The following CHCHD6 variants were observed in gnomAD, a reference collection of about 807,000 sequenced individuals.
CHCHD6 encodes the protein MICOS complex subunit MIC25.
A neutral mutation model predicts 32.3 loss-of-function variants in CHCHD6; 28 were observed. The ratio of observed to expected loss-of-function variants is 0.87; its 90% CI spans 0.64 to 1.19. The LOEUF is 1.19. CHCHD6 is among the 50% of genes most tolerant of loss of function. CHCHD6 has a pLI of 0.00. For missense variants in CHCHD6, 333 were observed against 307.0 expected (o/e 1.08, Z -0.63); for synonymous variants, 122 against 117.5 (o/e 1.04, Z -0.25).
chr3:126,829,032 T>TG (rs1397308546), intron 4 of CHCHD6, among the ~76,000 whole-genome samples: 1 of 152,250 alleles, frequency 6.6e-6, no homozygotes, highest in Non-Finnish European at 1.5e-5. Context: ...TTTAATTAGC[T>TG]GGGGTTATTT....
intron 6 of CHCHD6, among the ~76,000 whole-genome samples, chr3:126,952,196 G>A (rs1488330888): frequency 6.6e-6 from 1 of 152,182 alleles, no homozygotes; most frequent in East Asian, 1.9e-4. Flanking sequence ...TGAAAACAAG[G>A]GCATGGGCTA....
intron 5 of CHCHD6, among the ~76,000 whole-genome samples, chr3:126,861,079 G>C (rs1941841563): frequency 6.6e-6 from 1 of 152,150 alleles, no homozygotes; most frequent in African/African-American, 2.4e-5. Flanking sequence ...GAAGACACTA[G>C]AGTTGCATTT....
chr3:126,765,071 G>C (rs554045454), intron 4 of CHCHD6, among the ~76,000 whole-genome samples: 1 of 152,228 alleles, frequency 6.6e-6, no homozygotes, highest in East Asian at 1.9e-4. Context: ...ACAACAACTA[G>C]ATCATTTTTG....
At chr3:126,751,749 C>G (rs1936733895) in intron 4 of CHCHD6, among the ~76,000 whole-genome samples, 1 of 152,134 alleles carries the variant, frequency 6.6e-6, no homozygotes, top group Non-Finnish European at 1.5e-5. Flanking sequence ...ATCCTGCTTC[C>G]CAGTTGTGCT....
rs746578837 is a variant in CHCHD6, at chr3:126,730,643, G to A, written c.266+13G>A. On this transcript the variant is annotated intron_variant, in intron 3 of 7. Coordinates refer to ENST00000290913, the MANE Select transcript of CHCHD6 (RefSeq NM_032343.3). The stretch of plus-strand genomic sequence containing the variant: ...AGGGTGTCAAGAGGTGAGCCCGAGA[G>A]CCTGCTTGCTCCCGGCACTGCGCTC... The A allele has an allele frequency of 3.1e-6, 5 of 1,612,184 alleles. No homozygotes were observed. Among genetic ancestry groups the A allele is most frequent in the Non-Finnish European group, 4.2e-6 (5 of 1,178,642 alleles).
intron 4 of CHCHD6, among the ~76,000 whole-genome samples, chr3:126,803,019 A>G (rs1939160161): frequency 6.6e-6 from 1 of 152,164 alleles, no homozygotes; most frequent in Admixed American, 6.5e-5. Flanking sequence ...ATGCTGAGAG[A>G]TTTTGTCACC....
intron 6 of CHCHD6, among the ~76,000 whole-genome samples, chr3:126,920,876 G>A (rs2361731): frequency 0.6 from 91,089 of 152,054 alleles, 28,599 homozygotes; most frequent in Non-Finnish European, 0.7. Flanking sequence ...ACCTCTCCAC[G>A]GTTCCCTTCC....
intron 4 of CHCHD6, chr3:126,780,450 T>G (rs1197660374): frequency 9.0e-6 from 3 of 334,236 alleles, no homozygotes; most frequent in Non-Finnish European, 1.8e-5. Flanking sequence ...GTTATTGATT[T>G]CTTCTGTGTT....
intron 4 of CHCHD6, among the ~76,000 whole-genome samples, chr3:126,791,535 C>T (rs1047866568): frequency 6.6e-6 from 1 of 152,264 alleles, no homozygotes; most frequent in East Asian, 1.9e-4. Context: ...GGCGCCCCTC[C>T]CCCAGCCTCA....
intron 5 of CHCHD6, among the ~76,000 whole-genome samples, chr3:126,905,209 C>T (rs1012921557): frequency 6.6e-6 from 1 of 152,152 alleles, no homozygotes; most frequent in African/African-American, 2.4e-5. Flanking sequence ...CAAGCGGGTC[C>T]CAGTCTAAGC....
intron 2 of CHCHD6, among the ~76,000 whole-genome samples, chr3:126,729,072 G>A (rs1467883002): frequency 6.6e-6 from 1 of 152,102 alleles, no homozygotes; most frequent in Non-Finnish European, 1.5e-5. Flanking sequence ...ATGGCTTGAA[G>A]CCATGAAAGT....
chr3:126,706,376 G>A (rs1229161459), intron 1 of CHCHD6, among the ~76,000 whole-genome samples: 3 of 152,086 alleles, frequency 2.0e-5, no homozygotes, highest in African/African-American at 7.2e-5. Flanking sequence ...GTAACTTCTG[G>A]GACTTTAATT....
intron 4 of CHCHD6, among the ~76,000 whole-genome samples, chr3:126,806,144 A>G (rs1353693828): frequency 7.2e-4 from 97 of 135,290 alleles, no homozygotes; most frequent in South Asian, 3.4e-3. Context: ...GGCATGGGCA[A>G]GGACTTCATG....
intron 6 of CHCHD6, among the ~76,000 whole-genome samples, chr3:126,920,798 C>T (rs1048540622): frequency 2.0e-5 from 3 of 152,192 alleles, no homozygotes; most frequent in African/African-American, 7.2e-5. Context: ...CTGACATTCA[C>T]CCTGTCTTCC....
intron 4 of CHCHD6, among the ~76,000 whole-genome samples, chr3:126,828,020 C>A (rs1940476226): frequency 6.6e-6 from 1 of 152,154 alleles, no homozygotes; most frequent in South Asian, 2.1e-4. Flanking sequence ...GGTCTCGTTT[C>A]TTCTGGGAAG....
intron 5 of CHCHD6, among the ~76,000 whole-genome samples, chr3:126,889,058 C>T (rs1438242895): frequency 1.1e-4 from 16 of 152,166 alleles, no homozygotes; most frequent in Admixed American, 9.2e-4. Flanking sequence ...GTGACCAGCA[C>T]GGGTTGGTGT....
At chr3:126,841,749 A>G (rs1476467072) in intron 4 of CHCHD6, among the ~76,000 whole-genome samples, 1 of 151,914 alleles carries the variant, frequency 6.6e-6, no homozygotes, top group Non-Finnish European at 1.5e-5. Context: ...TCCAAAAAAA[A>G]AAATTTTTTT....
At chr3:126,842,296 C>T (rs910693979) in intron 4 of CHCHD6, among the ~76,000 whole-genome samples, 9 of 152,134 alleles carry the variant, frequency 5.9e-5, no homozygotes, top group African/African-American at 2.2e-4. Flanking sequence ...GAATCTTGGG[C>T]CCAATTTTGA....
intron 4 of CHCHD6, among the ~76,000 whole-genome samples, chr3:126,754,388 C>T (rs1936862544): frequency 6.6e-6 from 1 of 152,206 alleles, no homozygotes; most frequent in African/African-American, 2.4e-5. Context: ...GTGCCAGCAG[C>T]TGGCTCTGTC....
Sources: allele counts gnomAD v4.1 joint callset (sites outside exome capture counted in the v4.1 genomes callset), GRCh38; gene constraint gnomAD v4.1.1; transcripts MANE v1.5; gene names NCBI Gene and HGNC (gene_info 2026-07-23, HGNC 2026-07-21).